ASIC2: variants seen among roughly 807,000 people sequenced by gnomAD.
ASIC2 encodes the protein acid-sensing ion channel 2.
Under a neutral mutation model 57.3 loss-of-function variants are expected in ASIC2, and 25 were observed. That is an observed-to-expected ratio of 0.44 (90% CI 0.32 to 0.61). The LOEUF is 0.61. ASIC2 is among the 20% of genes least tolerant of loss of function. ASIC2 has a pLI of 0.06. For synonymous variants in ASIC2, 319 were observed against 307.5 expected (o/e 1.04, Z -0.39); for missense variants, 641 against 738.1 (o/e 0.87, Z 1.52).
intron 1 of ASIC2, among the ~76,000 whole-genome samples, chr17:34,086,505 T>A (rs1177690993): frequency 6.6e-6 from 1 of 151,866 alleles, no homozygotes; most frequent in African/African-American, 2.4e-5. Flanking sequence ...CTGAAAAAAA[T>A]GTATATTCTG....
intron 1 of ASIC2, among the ~76,000 whole-genome samples, chr17:33,141,613 C>T (rs1176633726): frequency 6.6e-6 from 1 of 152,184 alleles, no homozygotes; most frequent in African/African-American, 2.4e-5. Flanking sequence ...TCCCAGAAGA[C>T]AAAGGACAGA....
At chr17:33,457,264 A>G (rs1597734533) in intron 1 of ASIC2, among the ~76,000 whole-genome samples, 1 of 151,258 alleles carries the variant, frequency 6.6e-6, no homozygotes, top group African/African-American at 2.4e-5. Context: ...TTTTTTTACA[A>G]AAGATGAATG....
intron 1 of ASIC2, among the ~76,000 whole-genome samples, chr17:33,268,705 C>T (rs747797503): frequency 1.3e-5 from 2 of 152,148 alleles, no homozygotes; most frequent in African/African-American, 2.4e-5. Flanking sequence ...CTACCACCGT[C>T]CCAAGCACTT....
intron 1 of ASIC2, among the ~76,000 whole-genome samples, chr17:33,159,241 A>G (rs1337541721): frequency 6.6e-6 from 1 of 152,216 alleles, no homozygotes; most frequent in South Asian, 2.1e-4. Context: ...TAAGGCATGT[A>G]TGCATTGCAC....
Position 33,589,310 on chromosome 17 carries a change from T to C in ASIC2, c.556-477243A>G, listed in dbSNP as rs779300511. 6.5e-4 allele frequency among the ~76,000 whole-genome samples: 99 copies of C among 152,220 alleles called. 2 individuals are homozygous for C. Among genetic ancestry groups the C allele is most frequent in the Admixed American group, 3.9e-4 (6 of 15,284 alleles). Reference sequence around the variant, plus strand: ...GGCCAGGAAAGCTTTCAGAAGGCCATGAGCCCCCTGAACTGAAATTATTTC... The same window carrying C: ...GGCCAGGAAAGCTTTCAGAAGGCCACGAGCCCCCTGAACTGAAATTATTTC... On this transcript the variant is annotated intron_variant, in intron 1 of 9. Transcript: ENST00000359872.
chr17:33,984,433 G>A (rs1567778716), intron 1 of ASIC2: 1 of 152,296 alleles, frequency 6.6e-6, no homozygotes, highest in South Asian at 2.1e-4. Flanking sequence ...TCCATACCAA[G>A]CAATCAAACA....
At chr17:33,812,938 G>T (rs1209156228) in intron 1 of ASIC2, among the ~76,000 whole-genome samples, 1 of 152,170 alleles carries the variant, frequency 6.6e-6, no homozygotes, top group East Asian at 1.9e-4. Context: ...CTGGCCTCCA[G>T]AACTCAGAAG....
chr17:33,149,460 G>A (rs1904697070), intron 1 of ASIC2, among the ~76,000 whole-genome samples: 1 of 152,180 alleles, frequency 6.6e-6, no homozygotes, highest in African/African-American at 2.4e-5. Context: ...TAATGTTTGA[G>A]TGAAGTTGAC....
chr17:33,797,972 C>T (rs764597501), intron 1 of ASIC2, among the ~76,000 whole-genome samples: 10 of 152,076 alleles, frequency 6.6e-5, no homozygotes, highest in Admixed American at 3.3e-4. Context: ...GAGGGATCAT[C>T]GCAGTGTGCA....
chr17:33,077,973 G>A (rs1440983781), intron 3 of ASIC2, among the ~76,000 whole-genome samples: 1 of 151,968 alleles, frequency 6.6e-6, no homozygotes, highest in East Asian at 1.9e-4. Flanking sequence ...TCCTCTATAG[G>A]CCCTTTTTCC....
chr17:34,016,417 C>A (rs1326099872), intron 1 of ASIC2, among the ~76,000 whole-genome samples: 1 of 126,494 alleles, frequency 7.9e-6, no homozygotes, highest in Non-Finnish European at 1.6e-5. Flanking sequence ...GAGCGAGACT[C>A]CGTCTCAAAA....
At chr17:34,058,280 A>C (rs1908843812) in intron 1 of ASIC2, among the ~76,000 whole-genome samples, 1 of 152,194 alleles carries the variant, frequency 6.6e-6, no homozygotes, top group Non-Finnish European at 1.5e-5. Context: ...AATGATACTG[A>C]ATGACATAAG....
intron 1 of ASIC2, among the ~76,000 whole-genome samples, chr17:33,286,630 C>T (rs898255655): frequency 6.6e-6 from 1 of 152,168 alleles, no homozygotes; most frequent in Non-Finnish European, 1.5e-5. Flanking sequence ...TGTCCTCTCA[C>T]CCTGAAGTCC....
intron 1 of ASIC2, among the ~76,000 whole-genome samples, chr17:33,871,779 G>C (rs1484636447): frequency 6.6e-6 from 1 of 152,262 alleles, no homozygotes; most frequent in East Asian, 1.9e-4. Flanking sequence ...GGCTGGAGGT[G>C]ATAGTAAACA....
intron 1 of ASIC2, among the ~76,000 whole-genome samples, chr17:33,943,185 A>G (rs1224381627): frequency 3.9e-5 from 6 of 152,218 alleles, no homozygotes; most frequent in African/African-American, 1.4e-4. Flanking sequence ...ATTATCCAGT[A>G]CAGTAAAAAT....
intron 1 of ASIC2, among the ~76,000 whole-genome samples, chr17:33,947,855 T>C (rs1045673835): frequency 7.2e-5 from 11 of 152,252 alleles, no homozygotes; most frequent in African/African-American, 2.7e-4. Flanking sequence ...TTTTTACCAG[T>C]GTTAAATATT....
intron 1 of ASIC2, among the ~76,000 whole-genome samples, chr17:34,101,165 G>A (rs1266581578): frequency 3.9e-5 from 6 of 152,222 alleles, no homozygotes; most frequent in East Asian, 1.9e-4. Context: ...TATAAGCATG[G>A]GCATGGAGAT....
intron 1 of ASIC2, among the ~76,000 whole-genome samples, chr17:33,796,950 G>A (rs577060460): frequency 3.3e-5 from 5 of 152,246 alleles, no homozygotes; most frequent in African/African-American, 1.2e-4. Context: ...AGAGACTCAA[G>A]TATGGTGTCT....
chr17:33,861,550 A>T (rs1201186573), intron 1 of ASIC2, among the ~76,000 whole-genome samples: 2 of 152,336 alleles, frequency 1.3e-5, no homozygotes, highest in Non-Finnish European at 1.5e-5. Context: ...TATAGAGAGT[A>T]TGAGAGAATT....
Sources: gnomAD v4.1 joint callset for allele counts (sites outside exome capture counted in the v4.1 genomes callset) on GRCh38, gnomAD v4.1.1 for gene constraint, MANE v1.5 for transcripts, NCBI Gene and HGNC (gene_info 2026-07-23, HGNC 2026-07-21) for gene names.